The following KLHL29 variants were observed in gnomAD, a reference collection of about 807,000 sequenced individuals.
KLHL29 encodes kelch like family member 29, also known as kelch-like protein 29.
A neutral mutation model predicts 80.4 loss-of-function variants in KLHL29; 21 were observed. The observed-to-expected ratio is 0.26, with a 90% CI of 0.19 to 0.38. The LOEUF (loss-of-function observed/expected upper bound fraction) is 0.38, where lower values mean the gene tolerates loss of function less well. KLHL29 is among the 10% of genes least tolerant of loss of function. The pLI is 1.00. For synonymous variants in KLHL29, 511 were observed against 526.8 expected (o/e 0.97, Z 0.41); for missense variants, 867 against 1,223.9 (o/e 0.71, Z 4.35).
chr2:23,674,548 G>A (rs1208674205), intron 5 of KLHL29, among the ~76,000 whole-genome samples: 1 of 152,100 alleles, frequency 6.6e-6, no homozygotes, highest in East Asian at 1.9e-4. Context: ...AATCCCTCCA[G>A]CCAAGAACCA....
intron 5 of KLHL29, among the ~76,000 whole-genome samples, chr2:23,655,539 G>T (rs1332095505): frequency 6.6e-6 from 1 of 152,120 alleles, no homozygotes; most frequent in East Asian, 1.9e-4. Context: ...CAGATGTCAT[G>T]CCTGGCCAGC....
At chr2:23,534,509 C>T (rs1176538195) in intron 2 of KLHL29, among the ~76,000 whole-genome samples, 2 of 149,132 alleles carry the variant, frequency 1.3e-5, no homozygotes, top group Non-Finnish European at 3.0e-5. Flanking sequence ...GAGAAGCCTT[C>T]CTGTTTGGCC....
chr2:23,520,224 C>G (rs1317085290), intron 2 of KLHL29, among the ~76,000 whole-genome samples: 1 of 152,168 alleles, frequency 6.6e-6, no homozygotes, highest in Non-Finnish European at 1.5e-5. Context: ...AAGGCCAAAT[C>G]CACCTCAAAA....
intron 5 of KLHL29, among the ~76,000 whole-genome samples, chr2:23,671,225 G>A (rs1345144128): frequency 6.6e-6 from 1 of 151,884 alleles, no homozygotes; most frequent in Non-Finnish European, 1.5e-5. Context: ...TGGAACTGTG[G>A]CTCTCAGAAT....
At chr2:23,623,171 G>A (rs894929526) in intron 3 of KLHL29, among the ~76,000 whole-genome samples, 2 of 152,146 alleles carry the variant, frequency 1.3e-5, no homozygotes, top group Non-Finnish European at 2.9e-5. Context: ...GAGGTGGCCT[G>A]GGATGTGCTG....
At chr2:23,613,882 A>T (rs1668936736) in intron 3 of KLHL29, among the ~76,000 whole-genome samples, 1 of 152,002 alleles carries the variant, frequency 6.6e-6, no homozygotes, top group South Asian at 2.1e-4. Flanking sequence ...CAAAATCACT[A>T]AGCTGAAGGG....
At chr2:23,537,702 G>A (rs988130724) in intron 2 of KLHL29, among the ~76,000 whole-genome samples, 1 of 152,142 alleles carries the variant, frequency 6.6e-6, no homozygotes, top group Non-Finnish European at 1.5e-5. Flanking sequence ...TGAGATGTGG[G>A]GCATCTGGAG....
At chr2:23,676,477 T>G (rs1018900784) in intron 5 of KLHL29, among the ~76,000 whole-genome samples, 42 of 152,172 alleles carry the variant, frequency 2.8e-4, no homozygotes, top group African/African-American at 1.0e-3. Flanking sequence ...CCACCGCACC[T>G]GGCCGAGGAT....
Position 23,583,550 on chromosome 2 carries a change from T to C in KLHL29, c.285+21069T>C, listed in dbSNP as rs537423863. ...AAAGCGAGAAGCTCTAGTACTCCCA[T>C]GTCCCTCTCAGAAGGGAAGGAGCTG... On this transcript the variant is annotated intron_variant, in intron 3 of 13. Coordinates refer to ENST00000486442, the MANE Select transcript of KLHL29 (RefSeq NM_052920.2). 1.5e-3 allele frequency among the ~76,000 whole-genome samples: 229 copies of C among 152,342 alleles called. 1 individual carries two copies. Among genetic ancestry groups the C allele is most frequent in the African/African-American group, 5.1e-3 (213 of 41,588 alleles).
intron 5 of KLHL29, among the ~76,000 whole-genome samples, chr2:23,645,586 T>G (rs1444927254): frequency 6.6e-6 from 1 of 152,228 alleles, no homozygotes; most frequent in African/African-American, 2.4e-5. Context: ...CTGCTATTGT[T>G]TGACGTGACA....
At chr2:23,574,569 C>T (rs1667797303) in intron 3 of KLHL29, among the ~76,000 whole-genome samples, 1 of 151,944 alleles carries the variant, frequency 6.6e-6, no homozygotes, top group Non-Finnish European at 1.5e-5. Context: ...GGAGGTTTTG[C>T]TTAATGGGTA....
At chr2:23,510,382 C>T (rs1036943795) in intron 2 of KLHL29, among the ~76,000 whole-genome samples, 5 of 152,194 alleles carry the variant, frequency 3.3e-5, no homozygotes, top group African/African-American at 1.2e-4. Context: ...CCTCCCTTAG[C>T]TCAGCCCCAG....
intron 1 of KLHL29, among the ~76,000 whole-genome samples, chr2:23,398,267 G>A (rs1310404306): frequency 6.6e-6 from 1 of 152,254 alleles, no homozygotes; most frequent in Non-Finnish European, 1.5e-5. Flanking sequence ...TACAATGGAA[G>A]ATGATTCAGC....
intron 3 of KLHL29, among the ~76,000 whole-genome samples, chr2:23,615,805 C>T (rs1423586814): frequency 6.6e-6 from 1 of 152,172 alleles, no homozygotes; most frequent in Non-Finnish European, 1.5e-5. Context: ...GTGAAGTGAC[C>T]ATGACCTTGT....
At chr2:23,395,770 AGAAAC>A (rs1666438652) in intron 1 of KLHL29, among the ~76,000 whole-genome samples, 1 of 150,654 alleles carries the variant, frequency 6.6e-6, no homozygotes, top group Non-Finnish European at 1.5e-5. Context: ...AAAAAAAAAA[AGAAAC>A]TCCGATTGCA....
At position 23,570,341 on chromosome 2, in the gene KLHL29, C is replaced by T. The variant is rs368635474; in HGVS notation, c.285+7860C>T. Among the ~76,000 whole-genome samples, 9 of 152,220 alleles carry T rather than the reference C, an allele frequency of 5.9e-5. No homozygotes were observed. The East Asian group carries it at 1.5e-3, about 26-fold the overall frequency. ...AGGAGTCCCGGGAGCTGGGGAATGG[C>T]GCGAGGTGCACGTCTCAATAGCAGA... On this transcript the variant is annotated intron_variant, in intron 3 of 13. Coordinates refer to ENST00000486442, the MANE Select transcript of KLHL29 (RefSeq NM_052920.2).
At chr2:23,572,147 AAC>A (rs1221249979) in intron 3 of KLHL29, among the ~76,000 whole-genome samples, 1 of 152,180 alleles carries the variant, frequency 6.6e-6, no homozygotes, top group African/African-American at 2.4e-5. Context: ...GAAATCCACT[AAC>A]ACACTGGTAC....
chr2:23,551,865 G>A (rs1200726924), intron 2 of KLHL29, among the ~76,000 whole-genome samples: 6 of 152,240 alleles, frequency 3.9e-5, no homozygotes, highest in African/African-American at 1.4e-4. Context: ...GTCCCCAGGC[G>A]ATGCTGTGGC....
Position 23,642,702 on chromosome 2 carries a change from A to G in KLHL29, c.792A>G (p.Pro264=), listed in dbSNP as rs1041748980. Residue 264 remains proline (P), a synonymous_variant, in exon 5 of 14, where the codon CCA becomes CCG. Coordinates refer to ENST00000486442, the MANE Select transcript of KLHL29 (RefSeq NM_052920.2). ...NGHMAGPLLP[P]PPPAQPSATL... ...ACATGGCAGGGCCCCTGCTGCCTCC[A>G]CCGCCGCCAGCCCAGCCGTCCGCCA... is the stretch of plus-strand genomic sequence containing the variant. 6.5e-7 allele frequency: 1 copy of G among 1,546,390 alleles called. No homozygotes were observed. Among genetic ancestry groups the G allele is most frequent in the African/African-American group, 1.4e-5 (1 of 72,566 alleles).
Sources: gnomAD v4.1 joint callset for allele counts (sites outside exome capture counted in the v4.1 genomes callset) on GRCh38, gnomAD v4.1.1 for gene constraint, MANE v1.5 for transcripts, NCBI Gene and HGNC (gene_info 2026-07-23, HGNC 2026-07-21) for gene names.